The following TBL1XR1 variants were observed in gnomAD, a reference collection of about 807,000 sequenced individuals.
TBL1XR1 encodes the protein TBL1X/Y related 1.
In TBL1XR1, 5 loss-of-function variants were observed where a neutral mutation model predicts 66.9. The observed-to-expected ratio is 0.07, with a 90% CI of 0.04 to 0.16. The LOEUF is 0.16. Among genes scored for constraint, TBL1XR1 ranks in the 10% least tolerant of loss-of-function variants. The pLI, the probability that TBL1XR1 is intolerant of heterozygous loss-of-function variation, is 1.00. For synonymous variants in TBL1XR1, 210 were observed against 206.0 expected (o/e 1.02, Z -0.17); for missense variants, 238 against 623.2 (o/e 0.38, Z 6.58).
upstream of TBL1XR1, among the ~76,000 whole-genome samples, chr3:177,201,063 T>C (rs1470692234): frequency 1.3e-5 from 2 of 152,022 alleles, no homozygotes; most frequent in Non-Finnish European, 2.9e-5. Context: ...AAGAGAAACC[T>C]CATACCAGTA....
chr3:177,079,672 TAA>T (rs1222629183), intron 2 of TBL1XR1: 2 of 151,372 alleles, frequency 1.3e-5, no homozygotes, highest in African/African-American at 2.4e-5. Context: ...AGCAGTAAAA[TAA>T]AAAAGTGTCA....
intron 14 of TBL1XR1, among the ~76,000 whole-genome samples, chr3:177,030,155 C>T (rs1008958285): frequency 6.6e-6 from 1 of 151,600 alleles, no homozygotes; most frequent in Non-Finnish European, 1.5e-5. Flanking sequence ...GAGAGACAGA[C>T]ACACACAGAG....
intron 1 of TBL1XR1, among the ~76,000 whole-genome samples, chr3:177,151,280 C>A (rs2108853065): frequency 6.6e-6 from 1 of 152,308 alleles, no homozygotes; most frequent in Non-Finnish European, 1.5e-5. Flanking sequence ...CTTAACATTA[C>A]CAGTGTGTAT....
At chr3:177,148,506 G>A (rs1444004197) in intron 1 of TBL1XR1, among the ~76,000 whole-genome samples, 1 of 152,018 alleles carries the variant, frequency 6.6e-6, no homozygotes, top group Non-Finnish European at 1.5e-5. Context: ...ACGAGGTCAG[G>A]AGTTCGAGAC....
chr3:177,153,548 C>T (rs1731146472), intron 1 of TBL1XR1, among the ~76,000 whole-genome samples: 2 of 152,092 alleles, frequency 1.3e-5, no homozygotes, highest in Admixed American at 1.3e-4. Context: ...AAATCTAACA[C>T]TATATGTGAA....
At chr3:177,183,065 C>T (rs1735015183) in intron 1 of TBL1XR1, among the ~76,000 whole-genome samples, 1 of 152,172 alleles carries the variant, frequency 6.6e-6, no homozygotes, top group Non-Finnish European at 1.5e-5. Context: ...GGCACCATAA[C>T]TTCAGAATCC....
chr3:177,170,991 G>A (rs901424674), intron 1 of TBL1XR1, among the ~76,000 whole-genome samples: 1 of 152,054 alleles, frequency 6.6e-6, no homozygotes, highest in Admixed American at 6.5e-5. Flanking sequence ...GTGAATAACT[G>A]TGGTTCAAAA....
At chr3:177,071,048 T>TTTTTTTTTTTTTA (rs1719931112) in intron 2 of TBL1XR1, among the ~76,000 whole-genome samples, 30 of 144,288 alleles carry the variant, frequency 2.1e-4, no homozygotes, top group Middle Eastern at 3.6e-3. Context: ...TTTTTTTTTT[T>TTTTTTTTTTTTTA]GAGACAGAGT....
intron 3 of TBL1XR1, among the ~76,000 whole-genome samples, chr3:177,054,422 G>A (rs995049699): frequency 5.3e-5 from 8 of 151,914 alleles, no homozygotes; most frequent in African/African-American, 1.9e-4. Context: ...TCTCAAAAGT[G>A]GTACACATAA....
At chr3:177,151,907 C>T (rs1730935776) in intron 1 of TBL1XR1, among the ~76,000 whole-genome samples, 1 of 152,056 alleles carries the variant, frequency 6.6e-6, no homozygotes, top group Admixed American at 6.6e-5. Flanking sequence ...ACCCGTAATC[C>T]CAGCTACTCA....
At chr3:177,193,601 A>G (rs6808455) in intron 1 of TBL1XR1, among the ~76,000 whole-genome samples, 99,462 of 152,108 alleles carry the variant, frequency 0.65, 33,413 homozygotes, top group African/African-American at 0.8. Context: ...GAGCCACTGC[A>G]CCCAGCAAGA....
intron 1 of TBL1XR1, among the ~76,000 whole-genome samples, chr3:177,166,602 C>T (rs1732852720): frequency 6.6e-6 from 1 of 152,082 alleles, no homozygotes; most frequent in Non-Finnish European, 1.5e-5. Flanking sequence ...TTGCTTGCTG[C>T]CATGTTAGAA....
At chr3:177,107,858 C>T (rs879134942) in intron 1 of TBL1XR1, among the ~76,000 whole-genome samples, 9 of 152,248 alleles carry the variant, frequency 5.9e-5, no homozygotes, top group Non-Finnish European at 1.0e-4. Context: ...GTCATTGGCA[C>T]GCAATGGTCT....
chr3:177,101,846 C>T (rs1724259879), intron 1 of TBL1XR1, among the ~76,000 whole-genome samples: 1 of 152,140 alleles, frequency 6.6e-6, no homozygotes, highest in Non-Finnish European at 1.5e-5. Context: ...CGGTGCTTTG[C>T]GGAACCTCCA....
intron 14 of TBL1XR1, among the ~76,000 whole-genome samples, chr3:177,029,985 G>A (rs990065844): frequency 6.6e-6 from 1 of 152,110 alleles, no homozygotes; most frequent in East Asian, 1.9e-4. Context: ...CCTAAATATT[G>A]TGATTAGAAA....
intron 1 of TBL1XR1, among the ~76,000 whole-genome samples, chr3:177,172,633 A>AAAAGAGAGAG (rs1553864024): frequency 6.8e-5 from 8 of 117,634 alleles, no homozygotes; most frequent in South Asian, 3.1e-4. Flanking sequence ...AGAAAGAGAG[A>AAAAGAGAGAG]AGAGAGAGAG....
chr3:177,160,794 G>C (rs962246023), intron 1 of TBL1XR1: 1 of 152,042 alleles, frequency 6.6e-6, no homozygotes, highest in Non-Finnish European at 1.5e-5. Context: ...TCAGGAGTTC[G>C]AGACCAGCCT....
intron 9 of TBL1XR1, among the ~76,000 whole-genome samples, chr3:177,046,482 A>G (rs1456170458): frequency 2.0e-5 from 3 of 152,128 alleles, no homozygotes; most frequent in Non-Finnish European, 4.4e-5. Context: ...CTCCATTGTA[A>G]TAGTACATTT....
At chr3:177,046,945 G>T (rs1003956798) in intron 9 of TBL1XR1, among the ~76,000 whole-genome samples, 8 of 152,110 alleles carry the variant, frequency 5.3e-5, no homozygotes, top group Non-Finnish European at 8.8e-5. Context: ...TTAAGTACCA[G>T]GAGTTCGGCT....
Sources: allele counts gnomAD v4.1 joint callset (sites outside exome capture counted in the v4.1 genomes callset), GRCh38; gene constraint gnomAD v4.1.1; transcripts MANE v1.5; gene names NCBI Gene and HGNC (gene_info 2026-07-23, HGNC 2026-07-21).